TEX15: variants seen among roughly 807,000 people sequenced by gnomAD.
TEX15 encodes testis-expressed protein 15.
In TEX15, 171 loss-of-function variants were observed where a neutral mutation model predicts 237.3. The ratio of observed to expected loss-of-function variants is 0.72; its 90% CI spans 0.64 to 0.82. The LOEUF (loss-of-function observed/expected upper bound fraction) is 0.82. TEX15 is among the 40% of genes least tolerant of loss of function. The pLI is 0.00. For missense variants in TEX15, 3,750 were observed against 3,646.5 expected (o/e 1.03, Z -0.73); for synonymous variants, 1,338 against 1,269.8 (o/e 1.05, Z -1.14).
chr8:30,869,053 CA>C (rs1210266106), intron 4 of TEX15, among the ~76,000 whole-genome samples: 2 of 150,470 alleles, frequency 1.3e-5, no homozygotes, highest in Non-Finnish European at 3.0e-5. Flanking sequence ...TTTTATTTTT[CA>C]GTATGTCTTC....
intron 2 of TEX15, among the ~76,000 whole-genome samples, chr8:30,897,108 G>C (rs1585314881): frequency 6.6e-6 from 1 of 152,120 alleles, no homozygotes; most frequent in East Asian, 1.9e-4. Context: ...TTTTTGAAAG[G>C]ATTTATGAAA....
intron 7 of TEX15, among the ~76,000 whole-genome samples, chr8:30,852,444 T>A (rs952515933): frequency 6.6e-6 from 1 of 152,128 alleles, no homozygotes; most frequent in African/African-American, 2.4e-5. Context: ...GGAAGTGAAA[T>A]TAAGAACAAT....
At chr8:30,857,112 A>T (rs1807927334) in intron 7 of TEX15, among the ~76,000 whole-genome samples, 2 of 152,236 alleles carry the variant, frequency 1.3e-5, no homozygotes, top group South Asian at 4.1e-4. Context: ...AGATGAATAG[A>T]GAGTCCAGTA....
At chr8:30,912,344 T>TGAGG (rs1809244199) in intron 1 of TEX15, among the ~76,000 whole-genome samples, 2 of 17,168 alleles carry the variant, frequency 1.2e-4, no homozygotes, top group African/African-American at 4.3e-4. Flanking sequence ...TCCCGCCCCC[T>TGAGG]CCCCGCCCCC....
chr8:30,872,612 C>T (rs927248689), intron 4 of TEX15, among the ~76,000 whole-genome samples: 7 of 151,952 alleles, frequency 4.6e-5, no homozygotes, highest in African/African-American at 1.7e-4. Flanking sequence ...GCTCCATGCA[C>T]GTTACTGCAC....
At chr8:30,896,864 TG>T (rs1165057540) in intron 2 of TEX15, among the ~76,000 whole-genome samples, 2 of 152,346 alleles carry the variant, frequency 1.3e-5, no homozygotes, top group African/African-American at 4.8e-5. Context: ...AGATTTATTT[TG>T]AAGACTCTAA....
At chr8:30,908,919 G>C (rs941419215) in intron 1 of TEX15, among the ~76,000 whole-genome samples, 4 of 151,984 alleles carry the variant, frequency 2.6e-5, no homozygotes, top group Admixed American at 6.6e-5. Flanking sequence ...GATTACAATG[G>C]TTCCTGCTGT....
In TEX15 at chr8:30,844,702, T is replaced by C. The variant is rs323343; in HGVS notation, c.5465A>G (p.Lys1822Arg). 6,638 of 1,613,250 alleles carry C rather than the reference T, an allele frequency of 4.1e-3. 229 individuals are homozygous for C. The African/African-American group carries it at 0.076, about 18-fold the overall frequency. Residue 1822 changes from lysine (K) to arginine (R), a missense_variant, in exon 8 of 11, where the codon AAA (lysine) becomes AGA (arginine). Coordinates refer to ENST00000643185, the MANE Select transcript of TEX15 (RefSeq NM_001350162.2). ...LSSSDSSLLLKDNVKGSSSET... is the reference protein window; with the variant it reads ...LSSSDSSLLLRDNVKGSSSET... ...TGAAGAGGAGCCTTTTACATTATCT[T>C]TTAAAAGCAGAGAACTATCACTGGA...
chr8:30,880,878 C>T (rs1486163609), intron 3 of TEX15, among the ~76,000 whole-genome samples: 2 of 151,986 alleles, frequency 1.3e-5, no homozygotes, highest in Non-Finnish European at 2.9e-5. Flanking sequence ...ATGTTTTCAT[C>T]GTATCCAGTG....
In TEX15 at chr8:30,867,460, T is replaced by C; in HGVS notation, c.345A>G (p.Glu115=). ...RESGRHCREL[E]EQFCFLALPQ... ...GAAGTGCTAAAAAGCAGAACTGTTCTTCAAGTTCCCTGCAATGTCTTCCAC... is the reference window on the plus strand; with the variant it reads ...GAAGTGCTAAAAAGCAGAACTGTTCCTCAAGTTCCCTGCAATGTCTTCCAC... Residue 115 remains glutamate, a synonymous_variant, in exon 5 of 11, where the codon GAA becomes GAG. Transcript: ENST00000643185. 6.5e-7 allele frequency: 1 copy of C among 1,534,480 alleles called. No homozygotes were observed. The highest frequency in any genetic ancestry group is 8.7e-7 in the Non-Finnish European group (1 of 1,145,786).
chr8:30,900,208 TTTAA>T (rs1422318210), intron 1 of TEX15, among the ~76,000 whole-genome samples: 1 of 152,224 alleles, frequency 6.6e-6, no homozygotes, highest in East Asian at 1.9e-4. Flanking sequence ...ACTCAAGTGC[TTTAA>T]TTGTCATTGT....
At position 30,842,437 on chromosome 8, in the gene TEX15, T is replaced by A. The variant is rs1230518733; in HGVS notation, c.7730A>T (p.Tyr2577Phe). 1 of 1,613,656 alleles carries A rather than the reference T, an allele frequency of 6.2e-7. No homozygotes were observed. Among genetic ancestry groups the A allele is most frequent in the Non-Finnish European group, 8.5e-7 (1 of 1,179,816 alleles). The change falls in exon 8 of 11, where the codon TAT becomes TTT. Residue 2577 changes from tyrosine to phenylalanine, a missense_variant. By Grantham distance (22) the Tyr-to-Phe change is conservative. Transcript: ENST00000643185. ...TTCTAACTCTGTCACAGTGCTTCCA[T>A]AATTTATGGATGCTATATATGGCAC... ...DFVPYIASINYGSTVTELEYN... is the reference protein window; with the variant it reads ...DFVPYIASINFGSTVTELEYN...
chr8:30,857,412 A>G (rs546490700), intron 7 of TEX15, among the ~76,000 whole-genome samples: 2 of 152,322 alleles, frequency 1.3e-5, no homozygotes, highest in South Asian at 4.1e-4. Context: ...TAGTACTTAA[A>G]AAGACATATC....
In TEX15 at chr8:30,843,923, T is replaced by C; in HGVS notation, c.6244A>G (p.Thr2082Ala). 1 of 1,612,936 alleles carries C rather than the reference T, an allele frequency of 6.2e-7. No homozygotes were observed. The highest frequency in any genetic ancestry group is 8.5e-7 in the Non-Finnish European group (1 of 1,179,636). Reference protein sequence around the residue: ...TLVELQMMMETIQFIENKKRH... With the variant: ...TLVELQMMMEAIQFIENKKRH... ...TTTTTGTTTTCAATGAATTGAATTG[T>C]TTCCATCATCATTTGAAGTTCTACC... Residue 2082 changes from threonine (T) to alanine (A), a missense_variant, in exon 8 of 11, where the codon ACA (threonine) becomes GCA (alanine). Transcript: ENST00000643185.
At chr8:30,886,912 C>T (rs1272726757) in intron 3 of TEX15, 2 of 296,004 alleles carry the variant, frequency 6.8e-6, no homozygotes, top group Non-Finnish European at 6.2e-6. Context: ...GGTTGGTCTT[C>T]TCTCCAGTTT....
Position 30,858,830 on chromosome 8 carries a change from C to T in TEX15, c.688G>A (p.Val230Met). The change falls in exon 7 of 11, where the codon GTG (valine) becomes ATG (methionine). Residue 230 changes from valine to methionine, a missense_variant and splice_region_variant. By Grantham distance (21) the Val-to-Met change is conservative. Coordinates refer to ENST00000643185, the MANE Select transcript of TEX15 (RefSeq NM_001350162.2). ...TIELQAYSSA[V>M]YFYEYSVLSK... is the part of the protein sequence containing the mutation. Reference sequence around the variant, plus strand: ...AGGACACTGTATTCATAGAAGTACACCTGAAAGATGAAAACAGGTTCATGC... The same window carrying T: ...AGGACACTGTATTCATAGAAGTACATCTGAAAGATGAAAACAGGTTCATGC... 2.0e-6 allele frequency: 3 copies of T among 1,520,002 alleles called. No individual in the cohort carries two copies. Among genetic ancestry groups the T allele is most frequent in the Non-Finnish European group, 2.6e-6 (3 of 1,141,482 alleles). The allele number at this position is 1,520,002 out of a possible 1,614,324, so 94.2% of individuals were successfully genotyped here.
chr8:30,888,700 A>G, intron 2 of TEX15: 1 of 1,257,096 alleles, frequency 8.0e-7, no homozygotes, highest in Non-Finnish European at 1.0e-6. Flanking sequence ...ACATTAGATC[A>G]CAATCCAAAT....
chr8:30,876,148 G>A (rs1436018328), intron 3 of TEX15, among the ~76,000 whole-genome samples: 1 of 152,158 alleles, frequency 6.6e-6, no homozygotes, highest in East Asian at 1.9e-4. Flanking sequence ...AATGCCATCT[G>A]CATTATGTAG....
chr8:30,860,058 C>CAA lies in TEX15; in HGVS notation c.541-2_541-1insTT. 7.0e-7 allele frequency: 1 copy of CAA among 1,420,766 alleles called. No individual in the cohort carries two copies. Among genetic ancestry groups the CAA allele is most frequent in the Admixed American group, 3.2e-5 (1 of 30,996 alleles). The allele number at this position is 1,420,766 out of a possible 1,614,324, so 88.0% of individuals were successfully genotyped here. ...TTTTCTTCACTTTTCCAAAGAGAAC[C>CAA]TAAAAAAAAAAAAGCCAAAAAAAAA... On this transcript the variant is annotated splice_acceptor_variant, in intron 5 of 10. Coordinates refer to ENST00000643185, the MANE Select transcript of TEX15 (RefSeq NM_001350162.2). LOFTEE classifies it high-confidence loss of function.
Sources: gnomAD v4.1 joint callset for allele counts (sites outside exome capture counted in the v4.1 genomes callset) on GRCh38, gnomAD v4.1.1 for gene constraint, MANE v1.5 for transcripts, NCBI Gene and HGNC (gene_info 2026-07-23, HGNC 2026-07-21) for gene names.